The following SLC6A2 variants were observed in gnomAD, a reference collection of about 807,000 sequenced individuals.
SLC6A2 encodes solute carrier family 6 member 2.
SLC6A2 carries 26 observed loss-of-function variants against 71.7 expected under a neutral mutation model. That is an observed-to-expected ratio of 0.36 (90% CI 0.27 to 0.50). The LOEUF is 0.50. Among genes scored for constraint, SLC6A2 ranks in the 20% least tolerant of loss-of-function variants. The pLI is 0.96. For synonymous variants in SLC6A2, 363 were observed against 337.9 expected (o/e 1.07, Z -0.82); for missense variants, 581 against 803.9 (o/e 0.72, Z 3.35).
Position 55,669,605 on chromosome 16 carries a change from G to T in SLC6A2, c.315G>T (p.Ala105=), listed in dbSNP as rs1157162858. The T allele has an allele frequency of 1.2e-6, 2 of 1,613,914 alleles. No homozygotes were observed. The highest frequency in any genetic ancestry group is 1.7e-6 in the Non-Finnish European group (2 of 1,179,988). ...LIPYTLFLII[A]GMPLFYMELA... ...CGTACACACTGTTCCTTATCATCGC[G>T]GGGATGCCCCTGTTCTACATGGAGC... The change falls in exon 3 of 15, where the codon GCG becomes GCT. Residue 105 remains alanine, a synonymous_variant. Coordinates refer to ENST00000568943, the MANE Select transcript of SLC6A2 (RefSeq NM_001172501.3).
At chr16:55,698,245 C>T (rs1965861372) in intron 10 of SLC6A2, among the ~76,000 whole-genome samples, 1 of 152,140 alleles carries the variant, frequency 6.6e-6, no homozygotes, top group Non-Finnish European at 1.5e-5. Flanking sequence ...TGCTTATTGA[C>T]TTGAGGGGCA....
chr16:55,689,741 C>A (rs368644946), intron 5 of SLC6A2, among the ~76,000 whole-genome samples: 1 of 152,234 alleles, frequency 6.6e-6, no homozygotes, highest in African/African-American at 2.4e-5. Flanking sequence ...AACAGCTTCA[C>A]TTTCCAGGGC....
rs1264558480 is a variant in SLC6A2 at position 55,701,928 on chromosome 16, G to C, written c.1824G>C (p.Gln608His). ...TGGTGGCTCAGAGGGACATCAGACA[G>C]TTCCAGGTGGGTGAAGCCTAGACCC... ...HHLVAQRDIRQFQLQHWLAI is the reference protein window; with the variant it reads ...HHLVAQRDIRHFQLQHWLAI Residue 608 changes from glutamine to histidine, a missense_variant, in exon 14 of 15, where the codon CAG (glutamine) becomes CAC (histidine). By Grantham distance (24) the Gln-to-His change is conservative (BLOSUM62 0). Transcript: ENST00000568943. The C allele has an allele frequency of 7.4e-6, 12 of 1,613,106 alleles. No individual in the cohort carries two copies. The highest frequency in any genetic ancestry group is 2.2e-5 in the South Asian group (2 of 91,054).
At chr16:55,695,968 G>T (rs1965784368) in intron 8 of SLC6A2, among the ~76,000 whole-genome samples, 1 of 152,156 alleles carries the variant, frequency 6.6e-6, no homozygotes, top group Non-Finnish European at 1.5e-5. Context: ...CCCTTATAGA[G>T]TATAGTAGGT....
chr16:55,702,546 G>C lies in SLC6A2; in HGVS notation c.*200G>C, dbSNP rs1966004841. The C allele has an allele frequency of 1.4e-6, 2 of 1,480,050 alleles. No homozygotes were observed. The highest frequency in any genetic ancestry group is 4.0e-4 in the Middle Eastern group (2 of 4,998). The allele number at this position is 1,480,050 out of a possible 1,614,324, so 91.7% of individuals were successfully genotyped here. A position where few individuals can be genotyped will look rare whatever the true frequency, so the allele number is the denominator to read the frequency against. ...TGTGCATCTGGCCTGGGGGCTGTTA[G>C]CTCAGAGGAGAGGAGCAAACAGGAA... On this transcript the variant is annotated 3_prime_UTR_variant, in exon 15 of 15. Transcript: ENST00000568943.
In SLC6A2 at chr16:55,671,922, C is replaced by A; in HGVS notation, c.407-16C>A. 6.2e-7 allele frequency: 1 copy of A among 1,614,022 alleles called. No individual in the cohort carries two copies. The highest frequency in any genetic ancestry group is 1.7e-5 in the Admixed American group (1 of 60,004). On this transcript the variant is annotated splice_polypyrimidine_tract_variant and intron_variant, in intron 3 of 14. Transcript: ENST00000568943. ...GGGCCTGGGAGACTCCTACCTTACC[C>A]CCTGTCCCTGCCCAGGCGTTGGCTA...
In SLC6A2 at chr16:55,694,078, T is replaced by A. The variant is rs1394760730; in HGVS notation, c.987T>A (p.Phe329Leu). Residue 329 changes from phenylalanine to leucine, a missense_variant, in exon 7 of 15, where the codon TTT becomes TTA. This residue lies in a region of SLC6A2 where 334 missense variants were observed against 449.0 expected (regional missense o/e 0.74). Transcript: ENST00000568943. ...LGAGFGVLIA[F>L]ASYNKFDNNC... ...CTGGATTTGGAGTATTGATTGCATT[T>A]GCCAGTTACAACAAATTTGACAACA... is the stretch of plus-strand genomic sequence containing the variant. 6.2e-7 allele frequency: 1 copy of A among 1,612,694 alleles called. No homozygotes were observed. Among genetic ancestry groups the A allele is most frequent in the Non-Finnish European group, 8.5e-7 (1 of 1,178,652 alleles).
intron 9 of SLC6A2, among the ~76,000 whole-genome samples, chr16:55,697,426 G>GACC (rs1264418979): frequency 3.9e-5 from 6 of 152,166 alleles, no homozygotes; most frequent in Non-Finnish European, 8.8e-5. Flanking sequence ...AGTTTGAAGT[G>GACC]ACCACTTTGC....
chr16:55,678,078 G>A (rs1381178796), intron 4 of SLC6A2, among the ~76,000 whole-genome samples: 2 of 152,138 alleles, frequency 1.3e-5, no homozygotes, highest in Non-Finnish European at 2.9e-5. Flanking sequence ...CAAGCACTGA[G>A]GATCTCCTCA....
intron 4 of SLC6A2, among the ~76,000 whole-genome samples, chr16:55,677,971 A>G (rs575677653): frequency 6.6e-6 from 1 of 152,204 alleles, no homozygotes; most frequent in African/African-American, 2.4e-5. Context: ...TACAGGGCTT[A>G]TTTTAGGAGC....
At chr16:55,683,633 C>CG (rs754023490) in intron 4 of SLC6A2, among the ~76,000 whole-genome samples, 6 of 144,998 alleles carry the variant, frequency 4.1e-5, no homozygotes, top group Non-Finnish European at 9.2e-5. Context: ...AACAAACAAA[C>CG]AAACGAAACA....
Position 55,703,316 on chromosome 16 carries a change from CTGT to C in SLC6A2, c.*974_*976del. The C allele has an allele frequency of 2.0e-6, 2 of 985,496 alleles. No homozygotes were observed. Among genetic ancestry groups the C allele is most frequent in the Non-Finnish European group, 2.4e-6 (2 of 829,966 alleles). 61.0% of individuals were successfully genotyped at this position (985,496 alleles called of 1,614,324 possible). On this transcript the variant is annotated 3_prime_UTR_variant, in exon 15 of 15. Transcript: ENST00000568943. ...GGGTGCCCAAAGGGAGCCTGACAGG[CTGT>C]TGTGTTAATTTATTGTTCTTGCACA...
At position 55,694,305 on chromosome 16, in the gene SLC6A2, G is replaced by A. The variant is rs540997056; in HGVS notation, c.1022+192G>A. On this transcript the variant is annotated intron_variant, in intron 7 of 14. Coordinates refer to ENST00000568943, the MANE Select transcript of SLC6A2 (RefSeq NM_001172501.3). ...TCCTGATGACCACATTTCATTTCAG[G>A]ATGCCTCTTAAACAAATGTGAGGTG... is the stretch of plus-strand genomic sequence containing the variant. Among the ~76,000 whole-genome samples the A allele has an allele frequency of 3.3e-5, 5 of 152,270 alleles. No individual in the cohort carries two copies. The South Asian group carries it at 1.0e-3, about 32-fold the overall frequency.
At chr16:55,683,174 TCCTTAGCTCCTAA>T (rs1965332931) in intron 4 of SLC6A2, among the ~76,000 whole-genome samples, 1 of 152,228 alleles carries the variant, frequency 6.6e-6, no homozygotes, top group Non-Finnish European at 1.5e-5. Flanking sequence ...ATTTGACCTT[TCCTTAGCTCCTAA>T]CCAACTTTGA....
intron 5 of SLC6A2, among the ~76,000 whole-genome samples, chr16:55,691,109 G>GA (rs1376213848): frequency 6.8e-6 from 1 of 147,816 alleles, no homozygotes; most frequent in Admixed American, 6.9e-5. Context: ...GGGGGGTAAA[G>GA]AAAAAAAGGA....
intron 5 of SLC6A2, among the ~76,000 whole-genome samples, chr16:55,691,422 C>G (rs962491702): frequency 6.6e-6 from 1 of 152,178 alleles, no homozygotes; most frequent in Non-Finnish European, 1.5e-5. Flanking sequence ...ATGAACCACG[C>G]CTTGATCTAG....
rs201774381 is a variant in SLC6A2, at chr16:55,702,747, C to CCCCCA, written c.*401_*402insCCCCA. 2 of 780,428 alleles carry CCCCCA rather than the reference C, an allele frequency of 2.6e-6. No homozygotes were observed. Among genetic ancestry groups the CCCCCA allele is most frequent in the African/African-American group, 4.8e-5 (2 of 42,030 alleles). 48.3% of individuals were successfully genotyped at this position (780,428 alleles called of 1,614,324 possible). ...TGGGCTTTTGATCAGATACCCCTCC[C>CCCCCA]AAAAAAAAAAAAAACTAAAACTAAA... On this transcript the variant is annotated 3_prime_UTR_variant, in exon 15 of 15. Transcript: ENST00000568943.
chr16:55,660,745 C>G (rs1964589029), intron 2 of SLC6A2, among the ~76,000 whole-genome samples: 1 of 152,188 alleles, frequency 6.6e-6, no homozygotes, highest in African/African-American at 2.4e-5. Context: ...TTCCAATGCC[C>G]TGGCTCAGGG....
chr16:55,682,032 A>T (rs1411940373), intron 4 of SLC6A2, among the ~76,000 whole-genome samples: 3 of 152,134 alleles, frequency 2.0e-5, no homozygotes, highest in Non-Finnish European at 4.4e-5. Flanking sequence ...TCAGTCTCCC[A>T]AGTAGCTGGG....
Sources: gnomAD v4.1 joint callset for allele counts (sites outside exome capture counted in the v4.1 genomes callset) on GRCh38, gnomAD v4.1.1 for gene constraint, gnomAD v4.1.1 regional missense constraint, MANE v1.5 for transcripts, NCBI Gene and HGNC (gene_info 2026-07-23, HGNC 2026-07-21) for gene names.